ABCC1: variants seen among roughly 807,000 people sequenced by gnomAD.
ABCC1 encodes the protein multidrug resistance-associated protein 1.
ABCC1 carries 83 observed loss-of-function variants against 172.9 expected under a neutral mutation model. The observed-to-expected ratio is 0.48, with a 90% CI of 0.40 to 0.58. ABCC1 has a LOEUF of 0.58. Among genes scored for constraint, ABCC1 ranks in the 20% least tolerant of loss-of-function variants. The pLI is 0.00. For synonymous variants in ABCC1, 937 were observed against 825.2 expected (o/e 1.14, Z -2.32); for missense variants, 1,817 against 2,002.7 (o/e 0.91, Z 1.77).
At chr16:16,130,513 A>C (rs894997281) in intron 26 of ABCC1, among the ~76,000 whole-genome samples, 1 of 151,518 alleles carries the variant, frequency 6.6e-6, no homozygotes, top group Non-Finnish European at 1.5e-5. Context: ...GATTTTACAA[A>C]ATCACTTTTT....
chr16:16,006,759 A>G (rs1360118911), intron 1 of ABCC1, among the ~76,000 whole-genome samples: 1 of 152,112 alleles, frequency 6.6e-6, no homozygotes, highest in African/African-American at 2.4e-5. Flanking sequence ...GATGATAAAA[A>G]TAATTACAGA....
chr16:16,074,319 CT>C (rs1206791637), intron 14 of ABCC1, among the ~76,000 whole-genome samples: 2 of 152,170 alleles, frequency 1.3e-5, no homozygotes, highest in East Asian at 3.9e-4. Context: ...TGGACTCTTC[CT>C]CCCAACACTC....
chr16:16,073,256 C>T (rs1279891182), intron 14 of ABCC1, among the ~76,000 whole-genome samples: 1 of 152,032 alleles, frequency 6.6e-6, no homozygotes, highest in Non-Finnish European at 1.5e-5. Flanking sequence ...GATTGCACAG[C>T]TGATCAAAAG....
At chr16:16,021,677 A>G (rs1001380546) in intron 5 of ABCC1, among the ~76,000 whole-genome samples, 2 of 152,232 alleles carry the variant, frequency 1.3e-5, no homozygotes, top group Admixed American at 1.3e-4. Context: ...AGATCGCTCC[A>G]GTCTGGGCAA....
intron 17 of ABCC1, among the ~76,000 whole-genome samples, chr16:16,084,607 G>C (rs540235091): frequency 6.9e-6 from 1 of 145,386 alleles, no homozygotes; most frequent in Non-Finnish European, 1.5e-5. Context: ...CAAGTGATCG[G>C]CTGGCCTCAG....
intron 13 of ABCC1, among the ~76,000 whole-genome samples, 188 bp from the exon 14 acceptor site, chr16:16,071,454 A>T (rs1260877375): frequency 6.6e-6 from 1 of 151,990 alleles, no homozygotes; most frequent in Non-Finnish European, 1.5e-5. Flanking sequence ...AGCAGAACCA[A>T]ACCTGTTTCT....
At position 15,954,956 on chromosome 16, in the gene ABCC1, A is replaced by G. The variant is rs529401240; in HGVS notation, c.48+5157A>G. On this transcript the variant is annotated intron_variant, in intron 1 of 30. Coordinates refer to ENST00000399410, the MANE Select transcript of ABCC1 (RefSeq NM_004996.4). ...CTTTTTCTCCTCCCATTCCTATCAC[A>G]TCTGTCAGCAAATCGTGTTGCCCGT... is the stretch of plus-strand genomic sequence containing the variant. Among the ~76,000 whole-genome samples the G allele has an allele frequency of 2.4e-4, 37 of 152,196 alleles. 1 individual carries two copies. Among genetic ancestry groups the G allele is most frequent in the South Asian group, 1.0e-3 (5 of 4,806 alleles).
chr16:16,021,246 A>T (rs975683490), intron 5 of ABCC1, among the ~76,000 whole-genome samples: 1 of 152,136 alleles, frequency 6.6e-6, no homozygotes, highest in Non-Finnish European at 1.5e-5. Context: ...AAGTATTACC[A>T]GCAAGAAAGA....
intron 27 of ABCC1, among the ~76,000 whole-genome samples, chr16:16,133,776 TAGGAGGG>T (rs2045803430): frequency 6.6e-6 from 1 of 151,966 alleles, no homozygotes; most frequent in Admixed American, 6.6e-5. Flanking sequence ...GACACCCCTG[TAGGAGGG>T]AAGAAGGAGC....
At chr16:15,957,018 A>G (rs1460391266) in intron 1 of ABCC1, among the ~76,000 whole-genome samples, 1 of 152,150 alleles carries the variant, frequency 6.6e-6, no homozygotes, top group Non-Finnish European at 1.5e-5. Flanking sequence ...TAATCACTTA[A>G]CTGTCTGGAA....
At chr16:16,092,903 C>T (rs777851770) in intron 19 of ABCC1, among the ~76,000 whole-genome samples, 8 of 152,178 alleles carry the variant, frequency 5.3e-5, no homozygotes, top group Non-Finnish European at 8.8e-5. Context: ...GTGGGGGAAT[C>T]GCTTGAGCCT....
In ABCC1 at chr16:16,090,516, C is replaced by G. The variant is rs1364303106; in HGVS notation, c.2572C>G (p.Arg858Gly). 2.5e-6 allele frequency: 4 copies of G among 1,613,682 alleles called. No homozygotes were observed. The highest frequency in any genetic ancestry group is 3.3e-5 in the Admixed American group (2 of 59,988). ...GGGCTCCTACCAGGAGCTGCTGGCTCGAGACGGCGCCTTCGCTGAGTTCCT... is the reference window on the plus strand; with the variant it reads ...GGGCTCCTACCAGGAGCTGCTGGCTGGAGACGGCGCCTTCGCTGAGTTCCT... ...EMGSYQELLARDGAFAEFLRT... is the reference protein window; with the variant it reads ...EMGSYQELLAGDGAFAEFLRT... Residue 858 changes from arginine to glycine, a missense_variant, in exon 19 of 31, where the codon CGA becomes GGA. Physicochemically the swap from Arg to Gly is moderately radical, Grantham distance 125. Around this residue, in one of 3 missense-constraint regions of ABCC1, gnomAD observed 1,412 missense variants for 1,600.3 expected, o/e 0.88. Coordinates refer to ENST00000399410, the MANE Select transcript of ABCC1 (RefSeq NM_004996.4).
chr16:16,093,979 CTTTTTTTTTTTT>C (rs578261751), intron 19 of ABCC1, among the ~76,000 whole-genome samples: 1 of 106,658 alleles, frequency 9.4e-6, no homozygotes, highest in Admixed American at 1.0e-4. Context: ...TCCCTCTCTC[CTTTTTTTTTTTT>C]TTTTTTTTTT....
Position 16,066,346 on chromosome 16 carries a change from T to C in ABCC1, c.1678-1810T>C, listed in dbSNP as rs577158639. ...ATAGGCATGCACCACCACTCCTGGC[T>C]AATTGTGTATTTTTAGTAGAGACGG... is the stretch of plus-strand genomic sequence containing the variant. On this transcript the variant is annotated intron_variant, in intron 12 of 30. Coordinates refer to ENST00000399410, the MANE Select transcript of ABCC1 (RefSeq NM_004996.4). Among the ~76,000 whole-genome samples the C allele has an allele frequency of 9.2e-5, 14 of 151,884 alleles. No individual in the cohort carries two copies. The East Asian group carries it at 2.8e-3, about 30-fold the overall frequency.
intron 24 of ABCC1, 109 bp downstream of exon 24, chr16:16,122,283 G>A (rs1236020224): frequency 2.4e-5 from 30 of 1,228,510 alleles, no homozygotes; most frequent in Non-Finnish European, 3.2e-5. Context: ...GCCAAACCCC[G>A]GCCTTGCAGA....
At chr16:15,977,439 T>C (rs1216105851) in intron 1 of ABCC1, among the ~76,000 whole-genome samples, 1 of 152,212 alleles carries the variant, frequency 6.6e-6, no homozygotes. Flanking sequence ...GGTCTCACTG[T>C]GTTGCCGTCT....
chr16:16,117,792 G>T (rs1350971009), intron 23 of ABCC1, among the ~76,000 whole-genome samples: 1 of 152,218 alleles, frequency 6.6e-6, no homozygotes, highest in African/African-American at 2.4e-5. Flanking sequence ...TATAGTCCCA[G>T]CTGCTCTGAA....
chr16:16,048,332 A>G (rs2049299995), intron 10 of ABCC1, 29 bp downstream of exon 10: 1 of 1,611,736 alleles, frequency 6.2e-7, no homozygotes, highest in South Asian at 1.1e-5. Flanking sequence ...TTCCCTTTGC[A>G]TGCAGGGAGG....
chr16:16,061,182 C>A (rs2049894055), intron 12 of ABCC1, among the ~76,000 whole-genome samples: 1 of 152,160 alleles, frequency 6.6e-6, no homozygotes, highest in South Asian at 2.1e-4. Context: ...ACCTCGGCCT[C>A]CTAAAGTGCT....
Sources: allele counts gnomAD v4.1 joint callset (sites outside exome capture counted in the v4.1 genomes callset), GRCh38; gene constraint gnomAD v4.1.1; regional missense constraint gnomAD v4.1.1; transcripts MANE v1.5; gene names NCBI Gene and HGNC (gene_info 2026-07-23, HGNC 2026-07-21).